GRIN2B: variants seen among roughly 807,000 people sequenced by gnomAD.
GRIN2B encodes the protein glutamate ionotropic receptor NMDA type subunit 2B.
A neutral mutation model predicts 114.5 loss-of-function variants in GRIN2B; 5 were observed. The ratio of observed to expected loss-of-function variants is 0.04; its 90% CI spans 0.02 to 0.09. GRIN2B has a LOEUF of 0.09. Among genes scored for constraint, GRIN2B ranks in the 10% least tolerant of loss-of-function variants. The pLI is 1.00. For synonymous variants in GRIN2B, 787 were observed against 745.1 expected, an observed-to-expected ratio of 1.06 and a Z score of -0.92; for missense variants, 1,108 against 1,943.5, an observed-to-expected ratio of 0.57 and a Z score of 8.08.
At chr12:13,727,234 G>C (rs10845837) in intron 4 of GRIN2B, among the ~76,000 whole-genome samples, 41,973 of 151,986 alleles carry the variant, frequency 0.28, 5,903 homozygotes, top group South Asian at 0.33. Flanking sequence ...CCACGACAAG[G>C]TAGGGTGTGG....
At chr12:13,602,808 T>A (rs562399547) in intron 10 of GRIN2B, among the ~76,000 whole-genome samples, 2 of 152,324 alleles carry the variant, frequency 1.3e-5, no homozygotes, top group Non-Finnish European at 2.9e-5. Flanking sequence ...GCTACCCTCA[T>A]TAAGCAGATG....
At chr12:13,661,780 C>T (rs1414871485) in intron 5 of GRIN2B, among the ~76,000 whole-genome samples, 2 of 152,106 alleles carry the variant, frequency 1.3e-5, no homozygotes, top group African/African-American at 2.4e-5. Context: ...GCAGTGTTGC[C>T]CATCTTCTGA....
chr12:13,706,772 G>T (rs543941572), intron 4 of GRIN2B, among the ~76,000 whole-genome samples: 1 of 152,206 alleles, frequency 6.6e-6, no homozygotes, highest in East Asian at 1.9e-4. Flanking sequence ...CAGCTACAGG[G>T]ACAAAACACT....
At chr12:13,952,649 A>C (rs774257201) in intron 2 of GRIN2B, among the ~76,000 whole-genome samples, 16 of 151,956 alleles carry the variant, frequency 1.1e-4, no homozygotes, top group African/African-American at 2.2e-4. Context: ...TGAATATCAA[A>C]GTCTGTCTTC....
chr12:13,827,100 C>T (rs1346624128), intron 3 of GRIN2B, among the ~76,000 whole-genome samples: 1 of 150,936 alleles, frequency 6.6e-6, no homozygotes, highest in Admixed American at 6.6e-5. Context: ...GATGAGAAGT[C>T]TGCTGCTATT....
intron 2 of GRIN2B, among the ~76,000 whole-genome samples, chr12:13,962,165 T>A (rs1450149885): frequency 1.3e-5 from 2 of 149,372 alleles, no homozygotes. Context: ...GCAGGGAGCA[T>A]GGCTTTGCTT....
At chr12:13,977,004 A>G (rs544365955) in intron 2 of GRIN2B, among the ~76,000 whole-genome samples, 2 of 152,344 alleles carry the variant, frequency 1.3e-5, no homozygotes, top group East Asian at 3.9e-4. Context: ...AAGACAGTCA[A>G]GATTCCAAAG....
chr12:13,790,454 A>C (rs1864301747), intron 3 of GRIN2B, among the ~76,000 whole-genome samples: 1 of 152,202 alleles, frequency 6.6e-6, no homozygotes, highest in South Asian at 2.1e-4. Context: ...TTTTAAAAAC[A>C]TTGTTCCCTA....
At chr12:13,850,485 G>A (rs1173432077) in intron 3 of GRIN2B, among the ~76,000 whole-genome samples, 2 of 152,174 alleles carry the variant, frequency 1.3e-5, no homozygotes, top group African/African-American at 2.4e-5. Flanking sequence ...CCATGCAGCT[G>A]CAGCTCCCAG....
At position 13,816,717 on chromosome 12, in the gene GRIN2B, A is replaced by C. The variant is rs1864829308; in HGVS notation, c.411+49081T>G. Reference sequence around the variant, plus strand: ...CTCACAAATGATTAAAGAATGTCTTAAGAAAGTGGGGTTCTAACAAGATAA... The same window carrying C: ...CTCACAAATGATTAAAGAATGTCTTCAGAAAGTGGGGTTCTAACAAGATAA... On this transcript the variant is annotated intron_variant, in intron 3 of 13. Transcript: ENST00000609686. Among the ~76,000 whole-genome samples, 3 of 152,326 alleles carry C rather than the reference A, an allele frequency of 2.0e-5. No homozygotes were observed. The South Asian group carries it at 6.2e-4, about 32-fold the overall frequency.
chr12:13,782,016 T>C (rs1371908501), intron 3 of GRIN2B, among the ~76,000 whole-genome samples: 17 of 152,182 alleles, frequency 1.1e-4, no homozygotes, highest in Non-Finnish European at 2.9e-5. Flanking sequence ...ACAGAGTATG[T>C]GTGTGATTAC....
intron 3 of GRIN2B, among the ~76,000 whole-genome samples, chr12:13,779,187 G>T (rs984208495): frequency 6.6e-6 from 1 of 152,122 alleles, no homozygotes; most frequent in Non-Finnish European, 1.5e-5. Context: ...GGGATTACAG[G>T]TGTGCACCAC....
At chr12:13,838,751 G>T (rs1255901806) in intron 3 of GRIN2B, among the ~76,000 whole-genome samples, 1 of 152,224 alleles carries the variant, frequency 6.6e-6, no homozygotes, top group Non-Finnish European at 1.5e-5. Flanking sequence ...GGGCGAGGAA[G>T]GGGAGTGGAT....
intron 3 of GRIN2B, among the ~76,000 whole-genome samples, chr12:13,760,487 G>A (rs918015264): frequency 3.3e-5 from 5 of 152,134 alleles, no homozygotes; most frequent in Admixed American, 6.5e-5. Context: ...ATATAATCCT[G>A]TTAGTACACT....
At chr12:13,806,340 C>T (rs1214825019) in intron 3 of GRIN2B, among the ~76,000 whole-genome samples, 1 of 152,088 alleles carries the variant, frequency 6.6e-6, no homozygotes, top group Non-Finnish European at 1.5e-5. Context: ...CATTCTCACC[C>T]ACGGTGTGCA....
chr12:13,776,848 A>G (rs138702643), intron 3 of GRIN2B, among the ~76,000 whole-genome samples: 5 of 152,346 alleles, frequency 3.3e-5, no homozygotes, highest in Middle Eastern at 3.4e-3. Context: ...GGAGCCCCCA[A>G]AACTTCTTAA....
intron 3 of GRIN2B, among the ~76,000 whole-genome samples, chr12:13,811,695 C>T (rs1171589546): frequency 6.6e-6 from 1 of 152,224 alleles, no homozygotes; most frequent in Non-Finnish European, 1.5e-5. Flanking sequence ...ACAGGCATTT[C>T]CTGCATTTCC....
chr12:13,947,293 T>C lies in GRIN2B; in HGVS notation c.-19+32635A>G, dbSNP rs190949836. Reference sequence around the variant, plus strand: ...TATCCCCTCACTGTCTACAACACCATTGATAGGAAAAAACTGAGGCTCGCC... The same window carrying C: ...TATCCCCTCACTGTCTACAACACCACTGATAGGAAAAAACTGAGGCTCGCC... On this transcript the variant is annotated intron_variant, in intron 2 of 13. Coordinates refer to ENST00000609686, the MANE Select transcript of GRIN2B (RefSeq NM_000834.5). 5.3e-5 allele frequency among the ~76,000 whole-genome samples: 8 copies of C among 152,296 alleles called. No individual in the cohort carries two copies. The East Asian group carries it at 1.2e-3, about 22-fold the overall frequency.
At position 13,797,383 on chromosome 12, in the gene GRIN2B, A is replaced by T. The variant is rs191203725; in HGVS notation, c.412-43468T>A. ...ATATGAATTTTGAGGGGCCACAAAC[A>T]TTCAGACAATAGCAAATACTATAAG... On this transcript the variant is annotated intron_variant, in intron 3 of 13. Coordinates refer to ENST00000609686, the MANE Select transcript of GRIN2B (RefSeq NM_000834.5). Among the ~76,000 whole-genome samples, 257 of 152,306 alleles carry T rather than the reference A, an allele frequency of 1.7e-3. 1 individual carries two copies. Among genetic ancestry groups the T allele is most frequent in the African/African-American group, 5.9e-3 (245 of 41,568 alleles).
Sources: allele counts gnomAD v4.1 joint callset (sites outside exome capture counted in the v4.1 genomes callset), GRCh38; gene constraint gnomAD v4.1.1; transcripts MANE v1.5; gene names NCBI Gene and HGNC (gene_info 2026-07-23, HGNC 2026-07-21).